Variants in TNC observed in about 807,000 individuals in gnomAD.
The protein encoded by TNC is tenascin.
A neutral mutation model predicts 202.4 loss-of-function variants in TNC; 109 were observed. That is an observed-to-expected ratio of 0.54 (90% CI 0.46 to 0.63). The LOEUF is 0.63. TNC is among the 30% of genes least tolerant of loss of function. The pLI is 0.00. For synonymous variants in TNC, 1,007 were observed against 1,089.7 expected, an observed-to-expected ratio of 0.92 and a Z score of 1.50; for missense variants, 2,756 against 2,833.3, an observed-to-expected ratio of 0.97 and a Z score of 0.62.
chr9:115,091,388 G>C (rs748366750), intron 1 of TNC, among the ~76,000 whole-genome samples: 1 of 152,132 alleles, frequency 6.6e-6, no homozygotes, highest in Admixed American at 6.5e-5. Context: ...GAAAAATAGA[G>C]AGAAAAAGGT....
chr9:115,086,581 G>A lies in TNC; in HGVS notation c.1150C>T (p.Arg384Cys), dbSNP rs573699675. Residue 384 changes from arginine to cysteine, a missense_variant, in exon 3 of 28, where the codon CGT (arginine) becomes TGT (cysteine). Transcript: ENST00000350763. The stretch of plus-strand genomic sequence containing the variant: ...CACCGCCCGTCTACACAGCGGCCAC[G>A]ATTGTGACAGTCAGCAGGACACCTC... ...EKRCPADCHNRGRCVDGRCEC... is the reference protein window; with the variant it reads ...EKRCPADCHNCGRCVDGRCEC... 5 of 1,614,122 alleles carry A rather than the reference G, an allele frequency of 3.1e-6. No individual in the cohort carries two copies. Among genetic ancestry groups the A allele is most frequent in the East Asian group, 4.5e-5 (2 of 44,884 alleles).
Position 115,036,331 on chromosome 9 carries a change from ACATCGAAAC to A in TNC, c.5513-99_5513-91del, listed in dbSNP as rs1830331943. 11 of 1,430,262 alleles carry A rather than the reference ACATCGAAAC, an allele frequency of 7.7e-6. No individual in the cohort carries two copies. The East Asian group carries it at 2.5e-4, about 33-fold the overall frequency. 88.6% of individuals were successfully genotyped at this position (1,430,262 alleles called of 1,614,324 possible). On this transcript the variant is annotated intron_variant, in intron 20 of 27. Transcript: ENST00000350763. Reference sequence around the variant, plus strand: ...CAAACCACATACACACCTCCTTCGAACATCGAAACTTTCAGTGACCCTGCGGAAAAGCAG... The same window carrying A: ...CAAACCACATACACACCTCCTTCGAATTTCAGTGACCCTGCGGAAAAGCAG...
In TNC at chr9:115,023,994, A is replaced by G; in HGVS notation, c.6474T>C (p.Tyr2158=). 4 of 1,614,004 alleles carry G rather than the reference A, an allele frequency of 2.5e-6. No homozygotes were observed. The highest frequency in any genetic ancestry group is 3.4e-6 in the Non-Finnish European group (4 of 1,179,904). ...TCACCTGACTGTGGTTATTGTCCCC[A>G]TATCTCCCCATCAGGTTGACACGGT... ...NCHRVNLMGR[Y]GDNNHSQGVN... is the part of the protein sequence containing the mutation. The change falls in exon 27 of 28, where the codon TAT becomes TAC. Residue 2158 remains tyrosine, a synonymous_variant. Transcript: ENST00000350763.
rs761838187 is a variant in TNC, at chr9:115,078,152, G to C, written c.2465C>G (p.Thr822Ser). 76 of 1,614,020 alleles carry C rather than the reference G, an allele frequency of 4.7e-5. No individual in the cohort carries two copies. The highest frequency in any genetic ancestry group is 6.1e-5 in the Non-Finnish European group (72 of 1,179,896). Residue 822 changes from threonine to serine, a missense_variant, in exon 7 of 28, where the codon ACC becomes AGC. By Grantham distance (58) the Thr-to-Ser change is moderately conservative. Around this residue, in one of 2 missense-constraint regions of TNC, gnomAD observed 2,559 missense variants for 2,546.0 expected, o/e 1.01. Transcript: ENST00000350763. ...GATCTCAGCCAGGGGCTTGAACCAGGTGATCAAGGCAGTGGTGTCTGTGAC... is the reference window on the plus strand; with the variant it reads ...GATCTCAGCCAGGGGCTTGAACCAGCTGATCAAGGCAGTGGTGTCTGTGAC... ...KDVTDTTALI[T>S]WFKPLAEIDG...
intron 25 of TNC, among the ~76,000 whole-genome samples, chr9:115,028,528 G>A (rs1015754886): frequency 9.2e-5 from 14 of 152,040 alleles, no homozygotes; most frequent in South Asian, 2.1e-4. Context: ...TTAAGGCTAG[G>A]TTAACACATA....
chr9:115,093,670 TTGGAC>T lies in TNC; in HGVS notation c.-136-2521_-136-2517del, dbSNP rs1337385842. 2.0e-5 allele frequency among the ~76,000 whole-genome samples: 3 copies of T among 152,266 alleles called. No homozygotes were observed. In the East Asian group the frequency reaches 5.8e-4, roughly 29 times the overall value. ...GCCATGGGCCAAGTTTGAAATGTTT[TTGGAC>T]TTCTCCCCAACACTTTTCTGTGTGT... On this transcript the variant is annotated intron_variant, in intron 1 of 27. Transcript: ENST00000350763.
At chr9:115,040,092 T>A (rs1041797408) in intron 19 of TNC, among the ~76,000 whole-genome samples, 2 of 152,240 alleles carry the variant, frequency 1.3e-5, no homozygotes, top group Non-Finnish European at 2.9e-5. Flanking sequence ...CACTTCATTC[T>A]CCTTCAATGC....
intron 5 of TNC, 92 bp downstream of exon 5, chr9:115,082,600 A>G: frequency 2.3e-6 from 2 of 863,412 alleles, no homozygotes; most frequent in African/African-American, 1.7e-5. Flanking sequence ...CCAAAAACTA[A>G]GGAAAATTAG....
At chr9:115,052,475 C>CAATAAATA (rs200189324) in intron 15 of TNC, among the ~76,000 whole-genome samples, 26,375 of 147,878 alleles carry the variant, frequency 0.18, 2,794 homozygotes, top group Non-Finnish European at 0.25. Flanking sequence ...TCTCACAGCA[C>CAATAAATA]AATAAATAAA....
chr9:115,056,530 G>A (rs1832138433), intron 15 of TNC, among the ~76,000 whole-genome samples: 1 of 152,078 alleles, frequency 6.6e-6, no homozygotes, highest in African/African-American at 2.4e-5. Context: ...TTTTATTTTT[G>A]CCATTTATCA....
At chr9:115,067,220 A>G (rs2132756952) in intron 10 of TNC, among the ~76,000 whole-genome samples, 1 of 152,356 alleles carries the variant, frequency 6.6e-6, no homozygotes, top group Middle Eastern at 3.4e-3. Flanking sequence ...TAAACTCAAG[A>G]GCATGTCCTT....
chr9:115,032,691 T>C (rs916947077), intron 22 of TNC, among the ~76,000 whole-genome samples: 7 of 152,174 alleles, frequency 4.6e-5, no homozygotes, highest in African/African-American at 1.7e-4. Flanking sequence ...GAGATGATTA[T>C]AATAGCCCCA....
chr9:115,086,614 T>C lies in TNC; in HGVS notation c.1117A>G (p.Ser373Gly). 4 of 1,614,190 alleles carry C rather than the reference T, an allele frequency of 2.5e-6. No individual in the cohort carries two copies. Among genetic ancestry groups the C allele is most frequent in the Non-Finnish European group, 3.4e-6 (4 of 1,180,030 alleles). Residue 373 changes from serine to glycine, a missense_variant, in exon 3 of 28, where the codon AGC (serine) becomes GGC (glycine). This residue lies in a region of TNC where 2,559 missense variants were observed against 2,546.0 expected (regional missense o/e 1.01). Transcript: ENST00000350763. ...CDEGFAGVDC[S>G]EKRCPADCHN... ...CAGTCAGCAGGACACCTCTTCTCGC[T>C]GCAGTCCACACCGGCAAAGCCCTCA...
At chr9:115,057,534 T>C (rs757537804) in intron 14 of TNC, 109 bp from the exon 15 acceptor site, 32 of 1,183,196 alleles carry the variant, frequency 2.7e-5, no homozygotes, top group Non-Finnish European at 3.5e-5. Context: ...TAGAGAGATC[T>C]GATAATTCAG....
chr9:115,088,638 C>T (rs889613725), intron 2 of TNC, among the ~76,000 whole-genome samples: 18 of 151,792 alleles, frequency 1.2e-4, no homozygotes, highest in African/African-American at 2.7e-4. Flanking sequence ...AGTCTCTGTA[C>T]GTAGAAACAG....
At chr9:115,075,746 C>T (rs1564100092) in intron 9 of TNC, among the ~76,000 whole-genome samples, 1 of 152,140 alleles carries the variant, frequency 6.6e-6, no homozygotes, top group Non-Finnish European at 1.5e-5. Flanking sequence ...GATCATGCCA[C>T]TACACTCCAG....
In TNC at chr9:115,086,198, A is replaced by G. The variant is rs548807420; in HGVS notation, c.1533T>C (p.Cys511=). 1.3e-5 allele frequency: 21 copies of G among 1,613,994 alleles called. No homozygotes were observed. Among genetic ancestry groups the G allele is most frequent in the Middle Eastern group, 3.3e-4 (2 of 6,084 alleles). The change falls in exon 3 of 28, where the codon TGT becomes TGC. Residue 511 remains cysteine (C), a synonymous_variant. Coordinates refer to ENST00000350763, the MANE Select transcript of TNC (RefSeq NM_002160.4). ...CCTCACAGACGCACTGTCCGTCCAC[A>G]CAGAGGCCCCTGTTGCTGCAGTCCC... ...CPRDCSNRGL[C]VDGQCVCEDG...
Position 115,026,617 on chromosome 9 carries a change from G to T in TNC, c.6248C>A (p.Ala2083Asp). ...RVDLRDHGETAFAVYDKFSVG... is the reference protein window; with the variant it reads ...RVDLRDHGETDFAVYDKFSVG... ...GCTGAACTTGTCATAGACAGCAAAG[G>T]CTGTCTCCCCATGGTCCCGCAGGTC... Residue 2083 changes from alanine to aspartate, a missense_variant, in exon 26 of 28, where the codon GCC becomes GAC. Around this residue, in one of 2 missense-constraint regions of TNC, gnomAD observed 197 missense variants for 287.3 expected, o/e 0.69. Coordinates refer to ENST00000350763, the MANE Select transcript of TNC (RefSeq NM_002160.4). The T allele has an allele frequency of 1.2e-6, 2 of 1,613,932 alleles. No homozygotes were observed. Among genetic ancestry groups the T allele is most frequent in the Non-Finnish European group, 1.7e-6 (2 of 1,179,968 alleles).
At chr9:115,070,546 T>G (rs1020856418) in intron 10 of TNC, among the ~76,000 whole-genome samples, 31 of 152,178 alleles carry the variant, frequency 2.0e-4, no homozygotes, top group Admixed American at 2.0e-3. Flanking sequence ...GGTGGCCAGG[T>G]TATGCATATT....
Sources: gnomAD v4.1 joint callset for allele counts (sites outside exome capture counted in the v4.1 genomes callset) on GRCh38, gnomAD v4.1.1 for gene constraint, gnomAD v4.1.1 regional missense constraint, MANE v1.5 for transcripts, NCBI Gene and HGNC (gene_info 2026-07-23, HGNC 2026-07-21) for gene names.